RIT2: variants seen among roughly 807,000 people sequenced by gnomAD.
The protein encoded by RIT2 is GTP-binding protein Rit2.
A neutral mutation model predicts 23.7 loss-of-function variants in RIT2; 24 were observed. The observed-to-expected ratio is 1.01, with a 90% CI of 0.73 to 1.43. The LOEUF (loss-of-function observed/expected upper bound fraction) is 1.43. Ranked by LOEUF, RIT2 falls within the 40% of genes most tolerant of loss-of-function variation. RIT2 has a pLI of 0.00. For missense variants in RIT2, 236 were observed against 266.9 expected, an observed-to-expected ratio of 0.88 and a Z score of 0.81; for synonymous variants, 107 against 91.1, an observed-to-expected ratio of 1.17 and a Z score of -0.99.
chr18:42,888,387 G>A (rs1908080271), intron 4 of RIT2, among the ~76,000 whole-genome samples: 1 of 151,964 alleles, frequency 6.6e-6, no homozygotes, highest in Admixed American at 6.6e-5. Context: ...TAATGGTAAT[G>A]CTAGGTTGAA....
intron 1 of RIT2, among the ~76,000 whole-genome samples, chr18:43,057,109 A>G (rs889441051): frequency 1.3e-5 from 2 of 151,794 alleles, no homozygotes; most frequent in Non-Finnish European, 2.9e-5. Context: ...GTTTGTAGAT[A>G]TAGAATATTG....
At chr18:42,754,546 C>T (rs1203443674) in intron 4 of RIT2, among the ~76,000 whole-genome samples, 2 of 152,162 alleles carry the variant, frequency 1.3e-5, no homozygotes, top group Non-Finnish European at 2.9e-5. Context: ...CAAGTCTTTA[C>T]AGACAGTGCA....
intron 4 of RIT2, among the ~76,000 whole-genome samples, chr18:42,746,124 G>A (rs914709693): frequency 6.6e-6 from 1 of 152,108 alleles, no homozygotes; most frequent in African/African-American, 2.4e-5. Context: ...TCTTATCTGG[G>A]AAATGATATT....
intron 4 of RIT2, among the ~76,000 whole-genome samples, chr18:42,814,297 C>T (rs1905932944): frequency 6.6e-6 from 1 of 152,192 alleles, no homozygotes; most frequent in African/African-American, 2.4e-5. Flanking sequence ...CTTGCTATTG[C>T]AGCTGGGAGG....
chr18:43,035,820 G>C (rs943477003), intron 1 of RIT2, among the ~76,000 whole-genome samples: 1 of 152,138 alleles, frequency 6.6e-6, no homozygotes, highest in Non-Finnish European at 1.5e-5. Flanking sequence ...CTGTATTTTG[G>C]AACTAAGACC....
chr18:43,097,517 C>T (rs1272353591), intron 1 of RIT2, among the ~76,000 whole-genome samples: 1 of 151,778 alleles, frequency 6.6e-6, no homozygotes, highest in East Asian at 1.9e-4. Context: ...GAGAAGATTC[C>T]AGAAAGCTAT....
At chr18:43,111,521 T>C (rs12454432) in intron 1 of RIT2, among the ~76,000 whole-genome samples, 24,884 of 152,190 alleles carry the variant, frequency 0.16, 2,224 homozygotes, top group Non-Finnish European at 0.18. Context: ...GTGATTATTA[T>C]ACACTGTATG....
chr18:42,815,641 CA>C (rs1168231980), intron 4 of RIT2, among the ~76,000 whole-genome samples: 1 of 151,994 alleles, frequency 6.6e-6, no homozygotes, highest in African/African-American at 2.4e-5. Flanking sequence ...AAGAATGAAA[CA>C]AAGTAGGTAA....
chr18:43,068,784 CA>C (rs58558962), intron 1 of RIT2, among the ~76,000 whole-genome samples: 106,958 of 151,258 alleles, frequency 0.71, 39,180 homozygotes, highest in Non-Finnish European at 0.83. Context: ...TTCATAAATA[CA>C]AAAAAAAAAG....
At chr18:43,022,777 A>G (rs558012578) in intron 2 of RIT2, among the ~76,000 whole-genome samples, 2 of 152,210 alleles carry the variant, frequency 1.3e-5, no homozygotes, top group South Asian at 4.1e-4. Flanking sequence ...TCATTACAAA[A>G]TGAATTAACA....
chr18:43,004,042 A>G (rs1429348505), intron 2 of RIT2, among the ~76,000 whole-genome samples: 1 of 151,718 alleles, frequency 6.6e-6, no homozygotes, highest in African/African-American at 2.4e-5. Flanking sequence ...TCCCCCCGCC[A>G]GGTGGCTGTT....
At chr18:42,790,662 C>T (rs539897861) in intron 4 of RIT2, among the ~76,000 whole-genome samples, 10 of 152,320 alleles carry the variant, frequency 6.6e-5, no homozygotes, top group Non-Finnish European at 1.0e-4. Flanking sequence ...CTTCTGACCT[C>T]AGGTGTGCCA....
chr18:42,962,935 G>T (rs932012651), intron 3 of RIT2, among the ~76,000 whole-genome samples: 4 of 152,000 alleles, frequency 2.6e-5, no homozygotes. Context: ...TACTTTTGAG[G>T]GCACTTAATG....
At chr18:42,868,918 C>G (rs1907543818) in intron 4 of RIT2, among the ~76,000 whole-genome samples, 1 of 152,154 alleles carries the variant, frequency 6.6e-6, no homozygotes, top group South Asian at 2.1e-4. Flanking sequence ...AGATGACAGT[C>G]CGGACTGGGC....
intron 1 of RIT2, among the ~76,000 whole-genome samples, chr18:43,107,560 C>A (rs1913852769): frequency 6.6e-6 from 1 of 152,196 alleles, no homozygotes; most frequent in Non-Finnish European, 1.5e-5. Flanking sequence ...GTTTACTCAG[C>A]ACCCTGTTTA....
intron 4 of RIT2, among the ~76,000 whole-genome samples, chr18:42,795,114 G>A (rs938978216): frequency 9.9e-5 from 15 of 152,216 alleles, no homozygotes; most frequent in African/African-American, 1.4e-4. Flanking sequence ...GCTCGCTCTC[G>A]GCACCTCCTC....
chr18:42,842,932 C>T (rs1906807804), intron 4 of RIT2, among the ~76,000 whole-genome samples: 1 of 152,032 alleles, frequency 6.6e-6, no homozygotes, highest in African/African-American at 2.4e-5. Flanking sequence ...AGAGCTGAGG[C>T]CCAAAATTGT....
intron 4 of RIT2, among the ~76,000 whole-genome samples, chr18:42,782,558 A>ATAAGACAATAGTGCTTTATAAGTG (rs1913835104): frequency 6.6e-6 from 1 of 152,164 alleles, no homozygotes; most frequent in Non-Finnish European, 1.5e-5. Flanking sequence ...TAGATGCAAT[A>ATAAGACAATAGTGCTTTATAAGTG]TAAGACAATA....
At chr18:42,959,328 T>C (rs992481430) in intron 3 of RIT2, among the ~76,000 whole-genome samples, 2 of 152,196 alleles carry the variant, frequency 1.3e-5, no homozygotes, top group Non-Finnish European at 2.9e-5. Context: ...CAAAAATGCT[T>C]TTTTATAAGA....
Sources: allele counts gnomAD v4.1 joint callset (sites outside exome capture counted in the v4.1 genomes callset), GRCh38; gene constraint gnomAD v4.1.1; transcripts MANE v1.5; gene names NCBI Gene and HGNC (gene_info 2026-07-23, HGNC 2026-07-21).